The following PIK3R5 variants were observed in gnomAD, a reference collection of about 807,000 sequenced individuals.
The protein encoded by PIK3R5 is phosphoinositide 3-kinase regulatory subunit 5.
PIK3R5 carries 32 observed loss-of-function variants against 94.9 expected under a neutral mutation model. The observed-to-expected ratio is 0.34, with a 90% CI of 0.25 to 0.45. The LOEUF (loss-of-function observed/expected upper bound fraction) is 0.45, where lower values mean the gene tolerates loss of function less well. PIK3R5 is among the 20% of genes least tolerant of loss of function. The pLI is 1.00. For synonymous variants in PIK3R5, 443 were observed against 479.4 expected (o/e 0.92, Z 0.99); for missense variants, 853 against 1,144.6 (o/e 0.75, Z 3.68).
chr17:8,945,461 G>C lies in PIK3R5; in HGVS notation c.-14+20135C>G, dbSNP rs2091256501. Among the ~76,000 whole-genome samples, 1 of 152,172 alleles carries C rather than the reference G, an allele frequency of 6.6e-6. No homozygotes were observed. The highest frequency in any genetic ancestry group is 2.4e-5 in the African/African-American group (1 of 41,452). On this transcript the variant is annotated intron_variant, in intron 1 of 18. Coordinates refer to ENST00000447110, the MANE Select transcript of PIK3R5 (RefSeq NM_001142633.3). This position sits in a 1 kb window ranked among gnomAD's most constrained non-coding sequence, Gnocchi z 4.0. ...ACTCCTTCATAAGCGAGGCTTCACT[G>C]GTGACCCAGAGAGAGCCTGGGACAG...
rs775978234 is a variant in PIK3R5 at position 8,893,599 on chromosome 17, G to C, written c.469C>G (p.Arg157Gly). Reference sequence around the variant, plus strand: ...AAGAGCACTCACACGGTGGAGCTGCGGTGACTCCTGATGGGCAGGCCCTGC... The same window carrying C: ...AAGAGCACTCACACGGTGGAGCTGCCGTGACTCCTGATGGGCAGGCCCTGC... ...AEQGLPIRSH[R>G]SSTVTVLLLN... is the part of the protein sequence containing the mutation. Residue 157 changes from arginine to glycine, a missense_variant, in exon 6 of 19, where the codon CGC becomes GGC. Transcript: ENST00000447110. This position sits in a 1 kb window ranked among gnomAD's most constrained non-coding sequence, Gnocchi z 5.1. 2 of 1,613,636 alleles carry C rather than the reference G, an allele frequency of 1.2e-6. No homozygotes were observed. Among genetic ancestry groups the C allele is most frequent in the Non-Finnish European group, 1.7e-6 (2 of 1,179,662 alleles).
intron 1 of PIK3R5, among the ~76,000 whole-genome samples, chr17:8,920,744 A>G (rs1176950770): frequency 6.6e-6 from 1 of 152,074 alleles, no homozygotes; most frequent in East Asian, 1.9e-4. Flanking sequence ...AATTTTTACA[A>G]TTACTTCTGT....
chr17:8,898,411 C>T (rs1220038741), intron 5 of PIK3R5, among the ~76,000 whole-genome samples: 1 of 152,180 alleles, frequency 6.6e-6, no homozygotes, highest in African/African-American at 2.4e-5. Context: ...CCTGGGCAAC[C>T]CAGGGTCATG....
At chr17:8,885,914 C>T (rs2089833243) in intron 14 of PIK3R5, among the ~76,000 whole-genome samples, 1 of 149,272 alleles carries the variant, frequency 6.7e-6, no homozygotes. Flanking sequence ...AAGGCCCCAC[C>T]TACCGGACAA....
At chr17:8,928,637 T>C (rs1466060710) in intron 1 of PIK3R5, among the ~76,000 whole-genome samples, 1 of 152,220 alleles carries the variant, frequency 6.6e-6, no homozygotes, top group African/African-American at 2.4e-5. Context: ...ACTGTCAGCC[T>C]AGAGTCCAAT....
At chr17:8,913,626 C>T (rs534725167) in intron 1 of PIK3R5, among the ~76,000 whole-genome samples, 39 of 152,294 alleles carry the variant, frequency 2.6e-4, no homozygotes, top group Non-Finnish European at 5.6e-4. Context: ...GCAGGAGACT[C>T]GCTTGAACCC....
chr17:8,897,435 C>T (rs530266588), intron 5 of PIK3R5, among the ~76,000 whole-genome samples: 33 of 152,322 alleles, frequency 2.2e-4, no homozygotes, highest in Admixed American at 4.6e-4. Context: ...AGTGACCCCA[C>T]GGAAACGCCT....
chr17:8,896,213 A>C lies in PIK3R5; in HGVS notation c.413-2558T>G, dbSNP rs1424119806. 6.6e-6 allele frequency among the ~76,000 whole-genome samples: 1 copy of C among 152,048 alleles called. No individual in the cohort carries two copies. Among genetic ancestry groups the C allele is most frequent in the African/African-American group, 2.4e-5 (1 of 41,372 alleles). ...CACCCTCCATGGGCTTGGTTTTCAC[A>C]ATGTTACCTGGTGATGCCAGGGAGG... On this transcript the variant is annotated intron_variant, in intron 5 of 18. Coordinates refer to ENST00000447110, the MANE Select transcript of PIK3R5 (RefSeq NM_001142633.3). The surrounding 1 kb of genome is among the most constrained non-coding windows in gnomAD (Gnocchi z 4.0).
chr17:8,919,799 T>C (rs1199733681), intron 1 of PIK3R5, among the ~76,000 whole-genome samples: 1 of 152,030 alleles, frequency 6.6e-6, no homozygotes, highest in Non-Finnish European at 1.5e-5. Context: ...ACATTCAATA[T>C]ATGTTCTCTG....
Position 8,884,213 on chromosome 17 carries a change from T to G in PIK3R5, c.2205+494A>C, listed in dbSNP as rs1047377444. Among the ~76,000 whole-genome samples the G allele has an allele frequency of 2.0e-5, 3 of 152,092 alleles. No individual in the cohort carries two copies. The highest frequency in any genetic ancestry group is 4.4e-5 in the Non-Finnish European group (3 of 67,986). On this transcript the variant is annotated intron_variant, in intron 15 of 18. Transcript: ENST00000447110. The surrounding 1 kb of genome is among the most constrained non-coding windows in gnomAD (Gnocchi z 5.8). ...GCCCACCTGTGAGGCCAAGCTTCCC[T>G]CAGCCTGGACCTTGGGATGCGACCT...
chr17:8,948,330 T>A (rs2091315939), intron 1 of PIK3R5, among the ~76,000 whole-genome samples: 1 of 152,178 alleles, frequency 6.6e-6, no homozygotes. Flanking sequence ...ATGTTTTATT[T>A]AGTCAGCAGA....
At chr17:8,924,449 T>A (rs1408895188) in intron 1 of PIK3R5, among the ~76,000 whole-genome samples, 1 of 152,170 alleles carries the variant, frequency 6.6e-6, no homozygotes, top group Non-Finnish European at 1.5e-5. Flanking sequence ...TTTCATAGTT[T>A]TGGGCAAGGA....
chr17:8,897,476 A>G (rs934940633), intron 5 of PIK3R5, among the ~76,000 whole-genome samples: 1 of 152,212 alleles, frequency 6.6e-6, no homozygotes, highest in African/African-American at 2.4e-5. Context: ...TTGCAGAGCC[A>G]CCGGGCTTGT....
In PIK3R5 at chr17:8,890,231, C is replaced by A; in HGVS notation, c.658-105G>T. On this transcript the variant is annotated intron_variant, in intron 7 of 18. Coordinates refer to ENST00000447110, the MANE Select transcript of PIK3R5 (RefSeq NM_001142633.3). This position sits in a 1 kb window ranked among gnomAD's most constrained non-coding sequence, Gnocchi z 6.1. ...TGAGGGAGGCAGTGATCTGTCCCCT[C>A]CCAGCCTCATCACCCATCTCCTACC... 8.2e-7 allele frequency: 1 copy of A among 1,213,080 alleles called. No homozygotes were observed. The highest frequency in any genetic ancestry group is 1.3e-5 in the South Asian group (1 of 74,098). The allele number at this position is 1,213,080 out of a possible 1,614,324, so 75.1% of individuals were successfully genotyped here. A position where few individuals can be genotyped will look rare whatever the true frequency, so the allele number is the denominator to read the frequency against.
At chr17:8,947,028 T>C (rs377280352) in intron 1 of PIK3R5, among the ~76,000 whole-genome samples, 1 of 152,334 alleles carries the variant, frequency 6.6e-6, no homozygotes, top group East Asian at 1.9e-4. Context: ...GCCTGGCACA[T>C]AATTTGCTGA....
At chr17:8,908,353 T>C (rs1410562127) in intron 3 of PIK3R5, among the ~76,000 whole-genome samples, 2 of 152,182 alleles carry the variant, frequency 1.3e-5, no homozygotes, top group Non-Finnish European at 2.9e-5. Context: ...TGGGTTTATA[T>C]GTTATGCGCT....
At chr17:8,933,361 T>C (rs1016802163) in intron 1 of PIK3R5, among the ~76,000 whole-genome samples, 1 of 152,114 alleles carries the variant, frequency 6.6e-6, no homozygotes, top group South Asian at 2.1e-4. Flanking sequence ...TAAAACAATA[T>C]TTTTAAATAA....
In PIK3R5 at chr17:8,904,431, C is replaced by T. The variant is rs144463878; in HGVS notation, c.412+346G>A. Among the ~76,000 whole-genome samples, 6 of 152,176 alleles carry T rather than the reference C, an allele frequency of 3.9e-5. No homozygotes were observed. Among genetic ancestry groups the T allele is most frequent in the Admixed American group, 3.9e-4 (6 of 15,274 alleles). On this transcript the variant is annotated intron_variant, in intron 5 of 18. Coordinates refer to ENST00000447110, the MANE Select transcript of PIK3R5 (RefSeq NM_001142633.3). The surrounding 1 kb of genome is among the most constrained non-coding windows in gnomAD (Gnocchi z 5.1). The stretch of plus-strand genomic sequence containing the variant: ...CATGCAAAGCCCTCTTGTCAGCATC[C>T]TGGGGGCTTCTCTGTCTGATCTGGG...
In PIK3R5 at chr17:8,925,461, GATGGATGA is replaced by G. The variant is rs1221466882; in HGVS notation, c.-13-13962_-13-13955del. On this transcript the variant is annotated intron_variant, in intron 1 of 18. Coordinates refer to ENST00000447110, the MANE Select transcript of PIK3R5 (RefSeq NM_001142633.3). The surrounding 1 kb of genome is among the most constrained non-coding windows in gnomAD (Gnocchi z 5.1). ...ATAGATAGTAGATGGATAGATAGTA[GATGGATGA>G]TAGATAGATAGTAGATGGATAGATA... Among the ~76,000 whole-genome samples the G allele has an allele frequency of 6.9e-6, 1 of 144,468 alleles. No homozygotes were observed. The highest frequency in any genetic ancestry group is 1.6e-5 in the Non-Finnish European group (1 of 63,972). 94.8% of individuals were successfully genotyped at this position (144,468 alleles called of 152,430 possible).
Sources: gnomAD v4.1 joint callset for allele counts (sites outside exome capture counted in the v4.1 genomes callset) on GRCh38, gnomAD v4.1.1 for gene constraint, Gnocchi (gnomAD v3.1) non-coding constraint, MANE v1.5 for transcripts, NCBI Gene and HGNC (gene_info 2026-07-23, HGNC 2026-07-21) for gene names.